AMBRA1: variants seen among roughly 807,000 people sequenced by gnomAD.
The protein encoded by AMBRA1 is activating molecule in BECN1-regulated autophagy protein 1.
AMBRA1 carries 47 observed loss-of-function variants against 125.4 expected under a neutral mutation model. The observed-to-expected ratio is 0.37, with a 90% CI of 0.30 to 0.48. AMBRA1 has a LOEUF of 0.48. Ranked by LOEUF, AMBRA1 falls within the 20% of genes least tolerant of loss-of-function variation. AMBRA1 has a pLI of 0.99. For synonymous variants in AMBRA1, 626 were observed against 655.5 expected (o/e 0.95, Z 0.69); for missense variants, 1,331 against 1,693.4 (o/e 0.79, Z 3.76).
At chr11:46,525,985 C>A (rs1222485663) in intron 7 of AMBRA1, among the ~76,000 whole-genome samples, 1 of 152,018 alleles carries the variant, frequency 6.6e-6, no homozygotes, top group Admixed American at 6.6e-5. Context: ...GCGGACAGAT[C>A]ACCTGAGGTC....
At chr11:46,408,437 C>A in intron 17 of AMBRA1, 76 bp downstream of exon 17, 2 of 1,366,008 alleles carry the variant, frequency 1.5e-6, no homozygotes, top group Admixed American at 3.1e-5. Context: ...AGGGGGTATG[C>A]ATCCTGAGTG....
intron 14 of AMBRA1, among the ~76,000 whole-genome samples, chr11:46,420,144 T>C (rs1946779970): frequency 1.3e-5 from 2 of 152,206 alleles, no homozygotes; most frequent in South Asian, 4.1e-4. Context: ...GGTTCAGGTT[T>C]GAGGCACGGC....
At chr11:46,407,263 A>C (rs1946069589) in intron 17 of AMBRA1, among the ~76,000 whole-genome samples, 1 of 152,192 alleles carries the variant, frequency 6.6e-6, no homozygotes, top group Admixed American at 6.5e-5. Flanking sequence ...AGAATGGCCC[A>C]CTTCTCCAAA....
chr11:46,537,372 C>G (rs957324151), intron 7 of AMBRA1, among the ~76,000 whole-genome samples: 4 of 152,176 alleles, frequency 2.6e-5, no homozygotes, highest in Non-Finnish European at 4.4e-5. Context: ...TTACAAACAC[C>G]TCTTTAAGAA....
Position 46,397,519 on chromosome 11 carries a change from G to A in AMBRA1, c.3828C>T (p.Asn1276=), listed in dbSNP as rs140405133. 83 of 1,537,874 alleles carry A rather than the reference G, an allele frequency of 5.4e-5. No individual in the cohort carries two copies. Among genetic ancestry groups the A allele is most frequent in the Non-Finnish European group, 7.2e-5 (82 of 1,139,998 alleles). The change falls in exon 18 of 18, where the codon AAC becomes AAT. Residue 1276 remains asparagine, a synonymous_variant. Coordinates refer to ENST00000683756, the MANE Select transcript of AMBRA1 (RefSeq NM_001387011.1). ...PTLHCELTNN[N]HLLDGGSSRG... is the part of the protein sequence containing the mutation. ...TGCTGCTGCCACCATCCAGAAGGTG[G>A]TTGTTATTGGTCAACTCGCAGTGGA...
intron 8 of AMBRA1, among the ~76,000 whole-genome samples, chr11:46,509,984 A>ACAGTCAACTG (rs941608855): frequency 6.6e-6 from 1 of 152,174 alleles, no homozygotes; most frequent in African/African-American, 2.4e-5. Context: ...AACCCAGGTC[A>ACAGTCAACTG]CAGTCAACTG....
At chr11:46,512,859 C>T in intron 7 of AMBRA1, 46 bp from the exon 8 acceptor site, 1 of 1,537,272 alleles carries the variant, frequency 6.5e-7, no homozygotes, top group Non-Finnish European at 8.9e-7. Context: ...CAATTACCAA[C>T]TCAGAGGTCA....
intron 9 of AMBRA1, among the ~76,000 whole-genome samples, chr11:46,499,400 T>A (rs371705661): frequency 1.4e-4 from 22 of 152,336 alleles, no homozygotes; most frequent in African/African-American, 4.6e-4. Context: ...CAAATATTCA[T>A]ATGTATTTTA....
chr11:46,517,417 A>C (rs1002425824), intron 7 of AMBRA1, among the ~76,000 whole-genome samples: 2 of 141,268 alleles, frequency 1.4e-5, no homozygotes, highest in African/African-American at 5.2e-5. Context: ...CCAAAGTGCT[A>C]GGATTACAGG....
Position 46,443,586 on chromosome 11 carries a change from C to G in AMBRA1, c.2534G>C (p.Gly845Ala). ...ACTGGCCACAGCAGACTGTCCATCA[C>G]CGATCACTGCCCCTTATGAGGAAGA... is the stretch of plus-strand genomic sequence containing the variant. ...VNRVLAGAVI[G>A]DGQSAVASNI... is the part of the protein sequence containing the mutation. Residue 845 changes from glycine to alanine, a missense_variant, in exon 12 of 18, where the codon GGT becomes GCT. Physicochemically the swap from Gly to Ala is moderately conservative, Grantham distance 60. Transcript: ENST00000683756. The G allele has an allele frequency of 6.2e-7, 1 of 1,613,840 alleles. No individual in the cohort carries two copies. Among genetic ancestry groups the G allele is most frequent in the Non-Finnish European group, 8.5e-7 (1 of 1,179,766 alleles).
At chr11:46,517,766 G>C (rs1039844083) in intron 7 of AMBRA1, among the ~76,000 whole-genome samples, 1 of 149,518 alleles carries the variant, frequency 6.7e-6, no homozygotes, top group African/African-American at 2.5e-5. Context: ...GGGAGGCAGA[G>C]GTTGCAGTGA....
rs765025578 is a variant in AMBRA1 at position 46,512,778 on chromosome 11, C to T, written c.2108G>A (p.Arg703His). 1.7e-5 allele frequency: 27 copies of T among 1,613,206 alleles called. No homozygotes were observed. The highest frequency in any genetic ancestry group is 7.7e-5 in the South Asian group (7 of 90,928). The change falls in exon 8 of 18, where the codon CGT becomes CAT. Residue 703 changes from arginine (R) to histidine (H), a missense_variant. This residue lies in a region of AMBRA1 where 689 missense variants were observed against 776.5 expected (regional missense o/e 0.89). Transcript: ENST00000683756. ...CTCTCTGGATCCTGCTCCATCATAA[C>T]GGGATAATGAAATGAGGGAAGATTC... Reference protein sequence around the residue: ...LLESSLISLSRYDGAGSREHP... With the variant: ...LLESSLISLSHYDGAGSREHP...
intron 11 of AMBRA1, among the ~76,000 whole-genome samples, chr11:46,473,144 T>C (rs1431196635): frequency 6.6e-6 from 1 of 152,254 alleles, no homozygotes; most frequent in Non-Finnish European, 1.5e-5. Context: ...GGTTAATTAA[T>C]ACTTTAATGC....
At chr11:46,417,765 A>C in intron 15 of AMBRA1, 148 bp downstream of exon 15, 4 of 830,888 alleles carry the variant, frequency 4.8e-6, no homozygotes, top group African/African-American at 1.7e-5. Context: ...CCCTGTGGGA[A>C]GAGGGCCCTT....
At chr11:46,556,436 C>G (rs2043158139) in intron 1 of AMBRA1, among the ~76,000 whole-genome samples, 3 of 152,210 alleles carry the variant, frequency 2.0e-5, no homozygotes, top group Admixed American at 2.0e-4. Flanking sequence ...AGCAGAAAAA[C>G]TCCAACTATT....
intron 7 of AMBRA1, among the ~76,000 whole-genome samples, chr11:46,535,942 T>C (rs1333427069): frequency 1.3e-5 from 2 of 152,182 alleles, no homozygotes; most frequent in South Asian, 2.1e-4. Context: ...GTTAGGAACA[T>C]AGCACACAGT....
chr11:46,573,901 T>C (rs2043861520), intron 1 of AMBRA1, among the ~76,000 whole-genome samples: 1 of 142,560 alleles, frequency 7.0e-6, no homozygotes, highest in Admixed American at 7.3e-5. Context: ...CACCTATGAG[T>C]GAGAATATGC....
In AMBRA1 at chr11:46,435,015, C is replaced by A; in HGVS notation, c.2655G>T (p.Gln885His). 1 of 1,611,628 alleles carries A rather than the reference C, an allele frequency of 6.2e-7. No homozygotes were observed. The highest frequency in any genetic ancestry group is 8.5e-7 in the Non-Finnish European group (1 of 1,178,810). Reference sequence around the variant, plus strand: ...TGGCATCATTGTAGATCTTGCAGTTCTGCACCAGCACATTCACGGAAGCTG... The same window carrying A: ...TGGCATCATTGTAGATCTTGCAGTTATGCACCAGCACATTCACGGAAGCTG... The part of the protein sequence containing the change: ...ISNASVNVLV[Q>H]NCKIYNDASC... The change falls in exon 13 of 18, where the codon CAG (glutamine) becomes CAT (histidine). Residue 885 changes from glutamine to histidine, a missense_variant. Coordinates refer to ENST00000683756, the MANE Select transcript of AMBRA1 (RefSeq NM_001387011.1).
In AMBRA1 at chr11:46,512,935, T is replaced by C. The variant is rs1404668507; in HGVS notation, c.2073-122A>G. Reference sequence around the variant, plus strand: ...TTTTGCAGCCAGCTAACGCCTGTTATCTGGGATCACACCCTTCTACAAGCT... The same window carrying C: ...TTTTGCAGCCAGCTAACGCCTGTTACCTGGGATCACACCCTTCTACAAGCT... On this transcript the variant is annotated intron_variant, in intron 7 of 17. Coordinates refer to ENST00000683756, the MANE Select transcript of AMBRA1 (RefSeq NM_001387011.1). 1.1e-5 allele frequency: 9 copies of C among 806,822 alleles called. No homozygotes were observed. The South Asian group carries it at 1.8e-4, about 16-fold the overall frequency. The allele number at this position is 806,822 out of a possible 1,614,324, so 50.0% of individuals were successfully genotyped here.
Sources: gnomAD v4.1 joint callset for allele counts (sites outside exome capture counted in the v4.1 genomes callset) on GRCh38, gnomAD v4.1.1 for gene constraint, gnomAD v4.1.1 regional missense constraint, MANE v1.5 for transcripts, NCBI Gene and HGNC (gene_info 2026-07-23, HGNC 2026-07-21) for gene names.